EPHA3: variants seen among roughly 807,000 people sequenced by gnomAD.
EPHA3 encodes the protein EPH receptor A3.
EPHA3 carries 42 observed loss-of-function variants against 107.1 expected under a neutral mutation model. The observed-to-expected ratio is 0.39, with a 90% confidence interval of 0.31 to 0.51. EPHA3 has a LOEUF of 0.51. Ranked by LOEUF, EPHA3 falls within the 20% of genes least tolerant of loss-of-function variation. The pLI, the probability that EPHA3 is intolerant of heterozygous loss-of-function variation, is 0.78. For synonymous variants in EPHA3, 461 were observed against 424.8 expected, an observed-to-expected ratio of 1.09 and a Z score of -1.05; for missense variants, 1,183 against 1,211.2, an observed-to-expected ratio of 0.98 and a Z score of 0.35.
At chr3:89,237,797 C>T (rs1704802044) in intron 3 of EPHA3, among the ~76,000 whole-genome samples, 1 of 151,902 alleles carries the variant, frequency 6.6e-6, no homozygotes, top group Non-Finnish European at 1.5e-5. Flanking sequence ...AAGATCCTTT[C>T]TCTACAAAAA....
At position 89,341,824 on chromosome 3, in the gene EPHA3, G is replaced by T. The variant is rs755616509; in HGVS notation, c.1040G>T (p.Trp347Leu). 6.2e-7 allele frequency: 1 copy of T among 1,613,790 alleles called. No homozygotes were observed. The highest frequency in any genetic ancestry group is 1.7e-5 in the Admixed American group (1 of 59,972). ...ACCTCAGTTATCCTGGACTGGAGTT[G>T]GCCCCTGGACACAGGAGGCCGGAAA... ...NETSVILDWSWPLDTGGRKDV... is the reference protein window; with the variant it reads ...NETSVILDWSLPLDTGGRKDV... Residue 347 changes from tryptophan (W) to leucine (L), a missense_variant, in exon 5 of 17, where the codon TGG becomes TTG. Coordinates refer to ENST00000336596, the MANE Select transcript of EPHA3 (RefSeq NM_005233.6).
chr3:89,380,199 C>T (rs914856578), intron 5 of EPHA3, among the ~76,000 whole-genome samples: 1 of 151,978 alleles, frequency 6.6e-6, no homozygotes, highest in African/African-American at 2.4e-5. Context: ...AGTCATATAA[C>T]AATGTAGAGT....
At chr3:89,255,117 A>T (rs533737884) in intron 3 of EPHA3, among the ~76,000 whole-genome samples, 9 of 152,222 alleles carry the variant, frequency 5.9e-5, no homozygotes, top group South Asian at 2.1e-4. Context: ...TACTTAAAAG[A>T]ACTTTTATAA....
chr3:89,293,775 G>A (rs1266975063), intron 3 of EPHA3, among the ~76,000 whole-genome samples: 1 of 152,080 alleles, frequency 6.6e-6, no homozygotes, highest in Non-Finnish European at 1.5e-5. Flanking sequence ...CCAGCCTTGT[G>A]GAAATGTGAG....
chr3:89,399,099 C>T (rs1708905537), intron 6 of EPHA3, among the ~76,000 whole-genome samples: 1 of 151,286 alleles, frequency 6.6e-6, no homozygotes, highest in South Asian at 2.1e-4. Context: ...CACTGCACTC[C>T]AGCCTGGTGA....
intron 13 of EPHA3, among the ~76,000 whole-genome samples, chr3:89,435,268 G>A (rs1559695479): frequency 6.6e-6 from 1 of 151,388 alleles, no homozygotes; most frequent in Non-Finnish European, 1.5e-5. Context: ...TTTTTAAGCA[G>A]GTAGTATTTT....
intron 3 of EPHA3, among the ~76,000 whole-genome samples, chr3:89,217,875 T>C (rs1322095824): frequency 1.3e-5 from 2 of 152,210 alleles, no homozygotes; most frequent in Non-Finnish European, 2.9e-5. Context: ...TGTAAAGTTT[T>C]ATGAAACTGA....
chr3:89,361,230 G>A (rs1708084310), intron 5 of EPHA3, among the ~76,000 whole-genome samples: 1 of 150,926 alleles, frequency 6.6e-6, no homozygotes, highest in African/African-American at 2.4e-5. Context: ...CCTTTCTTTG[G>A]AAATAAAGAC....
intron 3 of EPHA3, among the ~76,000 whole-genome samples, chr3:89,239,465 G>A (rs376175992): frequency 2.2e-4 from 34 of 152,146 alleles, no homozygotes; most frequent in African/African-American, 7.9e-4. Flanking sequence ...TTACATCTTA[G>A]GGATATTATA....
intron 5 of EPHA3, among the ~76,000 whole-genome samples, chr3:89,373,833 G>T (rs1708351258): frequency 6.6e-6 from 1 of 151,758 alleles, no homozygotes; most frequent in African/African-American, 2.4e-5. Context: ...GAACTAAATT[G>T]CATTTTATAA....
chr3:89,405,345 G>A (rs1252763977), intron 7 of EPHA3, among the ~76,000 whole-genome samples: 1 of 152,138 alleles, frequency 6.6e-6, no homozygotes, highest in Non-Finnish European at 1.5e-5. Flanking sequence ...TACATAACCT[G>A]TGCTTGAAGG....
chr3:89,193,017 AAAT>A (rs1359514481), intron 2 of EPHA3, among the ~76,000 whole-genome samples: 1 of 152,110 alleles, frequency 6.6e-6, no homozygotes, highest in Non-Finnish European at 1.5e-5. Context: ...ATGAGTTTGT[AAAT>A]AATCTCTGAA....
chr3:89,197,934 C>A (rs1405669434), intron 2 of EPHA3, among the ~76,000 whole-genome samples: 1 of 151,990 alleles, frequency 6.6e-6, no homozygotes, highest in Non-Finnish European at 1.5e-5. Context: ...CAAGATCATG[C>A]CACTGTACTC....
intron 13 of EPHA3, among the ~76,000 whole-genome samples, chr3:89,440,189 C>T (rs1186060076): frequency 6.6e-6 from 1 of 152,042 alleles, no homozygotes; most frequent in Admixed American, 6.6e-5. Context: ...GAATTTTAGT[C>T]CTTGACAATA....
chr3:89,318,780 G>A (rs767073289), intron 3 of EPHA3, among the ~76,000 whole-genome samples: 6 of 151,860 alleles, frequency 4.0e-5, no homozygotes, highest in African/African-American at 9.7e-5. Flanking sequence ...TAAATCACAA[G>A]ACTTGATATT....
intron 13 of EPHA3, among the ~76,000 whole-genome samples, chr3:89,433,773 A>G (rs1709615627): frequency 6.6e-6 from 1 of 152,210 alleles, no homozygotes; most frequent in African/African-American, 2.4e-5. Context: ...CTACAATTAT[A>G]TAGCTCTGAA....
chr3:89,163,118 T>A (rs2107076357), intron 2 of EPHA3, among the ~76,000 whole-genome samples: 1 of 152,312 alleles, frequency 6.6e-6, no homozygotes, highest in Non-Finnish European at 1.5e-5. Context: ...TTAGGATCAT[T>A]CACACCTAAA....
intron 3 of EPHA3, among the ~76,000 whole-genome samples, chr3:89,265,976 G>A (rs1020009271): frequency 6.6e-6 from 1 of 151,942 alleles, no homozygotes; most frequent in African/African-American, 2.4e-5. Context: ...AATTTGCTTA[G>A]GAACTTGTTG....
At chr3:89,194,505 G>A (rs1559594404) in intron 2 of EPHA3, among the ~76,000 whole-genome samples, 1 of 151,870 alleles carries the variant, frequency 6.6e-6, no homozygotes, top group Non-Finnish European at 1.5e-5. Context: ...TGTAGATATC[G>A]ATTAAGAAAC....
Sources: allele counts gnomAD v4.1 joint callset (sites outside exome capture counted in the v4.1 genomes callset), GRCh38; gene constraint gnomAD v4.1.1; transcripts MANE v1.5; gene names NCBI Gene and HGNC (gene_info 2026-07-23, HGNC 2026-07-21).